MBNL1: variants seen among roughly 807,000 people sequenced by gnomAD.
The protein encoded by MBNL1 is muscleblind-like protein 1.
MBNL1 carries 8 observed loss-of-function variants against 42.2 expected under a neutral mutation model. The observed-to-expected ratio is 0.19, with a 90% confidence interval of 0.11 to 0.34. The LOEUF (loss-of-function observed/expected upper bound fraction) is 0.34. MBNL1 is among the 10% of genes least tolerant of loss of function. MBNL1 has a pLI of 1.00. For missense variants in MBNL1, 309 were observed against 495.3 expected (o/e 0.62, Z 3.57); for synonymous variants, 169 against 173.9 (o/e 0.97, Z 0.22).
chr3:152,332,733 T>TGCGC (rs1455777180), intron 2 of MBNL1, among the ~76,000 whole-genome samples: 18 of 133,576 alleles, frequency 1.3e-4, no homozygotes, highest in African/African-American at 3.4e-4. Flanking sequence ...TGTGTGTGTG[T>TGCGC]GTGTGTGCGC....
chr3:152,338,380 C>T lies in MBNL1; in HGVS notation c.174+38013C>T, dbSNP rs539542956. On this transcript the variant is annotated intron_variant, in intron 2 of 9. Coordinates refer to ENST00000324210, the MANE Select transcript of MBNL1 (RefSeq NM_021038.5). ...GGTTCTGTGATGGCTGCCTCTAAAC[C>T]CTTGTGAAAGCGGGGAATATTCCTC... 34 of 985,390 alleles carry T rather than the reference C, an allele frequency of 3.5e-5. No individual in the cohort carries two copies. The South Asian group carries it at 1.4e-3, about 39-fold the overall frequency. 61.0% of individuals were successfully genotyped at this position (985,390 alleles called of 1,614,324 possible).
intron 1 of MBNL1, 72 bp from the exon 2 acceptor site, chr3:152,299,333 C>G (rs2059890522): frequency 5.4e-6 from 1 of 185,364 alleles, no homozygotes; most frequent in Non-Finnish European, 1.1e-5. Context: ...TATCACATGG[C>G]AAGGTTGTGA....
rs146899799 is a variant in MBNL1, at chr3:152,300,974, G to T, written c.174+607G>T. ...ACCTGAGGCACAAACTTTGTTGCAT[G>T]TGAGTTATATAAATAAGTAGAAACT... On this transcript the variant is annotated intron_variant, in intron 2 of 9. Coordinates refer to ENST00000324210, the MANE Select transcript of MBNL1 (RefSeq NM_021038.5). 3.1e-5 allele frequency: 30 copies of T among 953,712 alleles called. No homozygotes were observed. In the East Asian group the frequency reaches 3.5e-3, roughly 110 times the overall value. The allele number at this position is 953,712 out of a possible 1,614,324, so 59.1% of individuals were successfully genotyped here.
intron 1 of MBNL1, among the ~76,000 whole-genome samples, chr3:152,295,042 T>G (rs1311076993): frequency 6.6e-6 from 1 of 152,224 alleles, no homozygotes; most frequent in East Asian, 1.9e-4. Flanking sequence ...TTATCAGGTC[T>G]AGCTAGACTA....
At chr3:152,361,220 A>G (rs1317398690) in intron 2 of MBNL1, among the ~76,000 whole-genome samples, 1 of 152,028 alleles carries the variant, frequency 6.6e-6, no homozygotes, top group East Asian at 1.9e-4. Context: ...GTGGGTATAC[A>G]TTTGAGGCTT....
At chr3:152,338,434 TG>T in intron 2 of MBNL1, 1 of 985,432 alleles carries the variant, frequency 1.0e-6, no homozygotes, top group Non-Finnish European at 1.2e-6. Flanking sequence ...AGCACCGTGC[TG>T]GGTACCATGT....
chr3:152,440,020 T>A (rs2099125641), intron 4 of MBNL1, among the ~76,000 whole-genome samples: 1 of 152,214 alleles, frequency 6.6e-6, no homozygotes, highest in Non-Finnish European at 1.5e-5. Flanking sequence ...TGGTTCTGTC[T>A]TTGGTCATTC....
At chr3:152,329,694 A>T (rs1015000358) in intron 2 of MBNL1, among the ~76,000 whole-genome samples, 1 of 145,800 alleles carries the variant, frequency 6.9e-6, no homozygotes. Flanking sequence ...TATCTTATAT[A>T]TTATATATAT....
rs572897867 is a variant in MBNL1 at position 152,360,698 on chromosome 3, G to GA, written c.175-54235dup. 3.9e-4 allele frequency among the ~76,000 whole-genome samples: 59 copies of GA among 150,794 alleles called. No homozygotes were observed. In the South Asian group the frequency reaches 8.8e-3, roughly 23 times the overall value. On this transcript the variant is annotated intron_variant, in intron 2 of 9. Transcript: ENST00000324210. Reference sequence around the variant, plus strand: ...TCATTTTCTCCTCAGCTTTTATTTTGAAAAAAAATTAAACCCAACAAAAAT... The same window carrying GA: ...TCATTTTCTCCTCAGCTTTTATTTTGAAAAAAAAATTAAACCCAACAAAAAT...
intron 2 of MBNL1, among the ~76,000 whole-genome samples, chr3:152,390,878 G>C (rs1480068262): frequency 1.3e-5 from 2 of 152,172 alleles, no homozygotes; most frequent in Non-Finnish European, 2.9e-5. Context: ...GAAAGACCCA[G>C]CTTAACCAGA....
chr3:152,332,689 G>C, intron 2 of MBNL1, among the ~76,000 whole-genome samples: 1 of 122,376 alleles, frequency 8.2e-6, no homozygotes, highest in African/African-American at 3.0e-5. Context: ...AGTTTTCATG[G>C]TTTTGTGTGT....
chr3:152,380,460 A>G (rs1186390137), intron 2 of MBNL1, among the ~76,000 whole-genome samples: 2 of 152,116 alleles, frequency 1.3e-5, no homozygotes, highest in Admixed American at 6.5e-5. Flanking sequence ...GGGAAACAGC[A>G]TGAATGGAAA....
intron 6 of MBNL1, among the ~76,000 whole-genome samples, chr3:152,450,783 T>C (rs935794264): frequency 6.6e-6 from 1 of 152,344 alleles, no homozygotes; most frequent in East Asian, 1.9e-4. Context: ...CTAGGTCTTA[T>C]GGTCTTATGA....
intron 1 of MBNL1, among the ~76,000 whole-genome samples, chr3:152,270,123 G>A (rs1411733109): frequency 6.6e-6 from 1 of 151,976 alleles, no homozygotes; most frequent in African/African-American, 2.4e-5. Flanking sequence ...AGAGTATGCG[G>A]CTGTTGGGAT....
chr3:152,335,490 G>A (rs1371453720), intron 2 of MBNL1, among the ~76,000 whole-genome samples: 2 of 152,120 alleles, frequency 1.3e-5, no homozygotes, highest in Non-Finnish European at 1.5e-5. Context: ...TCAGTAGATG[G>A]AGCATAGTTT....
At position 152,299,924 on chromosome 3, in the gene MBNL1, C is replaced by T. The variant is rs929994067; in HGVS notation, c.-270C>T. The T allele has an allele frequency of 2.5e-5, 11 of 435,618 alleles. No homozygotes were observed. Among genetic ancestry groups the T allele is most frequent in the African/African-American group, 1.0e-4 (5 of 49,052 alleles). The allele number at this position is 435,618 out of a possible 1,614,324, so 27.0% of individuals were successfully genotyped here. A position where few individuals can be genotyped will look rare whatever the true frequency, so the allele number is the denominator to read the frequency against. On this transcript the variant is annotated 5_prime_UTR_variant, in exon 2 of 10. The change creates a new upstream start codon in the 5' untranslated region. Transcript: ENST00000324210. ...GCTGATACCAGGCCCTACTTTTAAA[C>T]GTTCATCTACTTACAATCCTAGTAT...
At chr3:152,316,893 G>A (rs1054377789) in intron 2 of MBNL1, among the ~76,000 whole-genome samples, 1 of 150,070 alleles carries the variant, frequency 6.7e-6, no homozygotes, top group African/African-American at 2.5e-5. Context: ...ATTTTGCTTT[G>A]CTTATTAAAA....
At chr3:152,320,547 G>C (rs2075814667) in intron 2 of MBNL1, among the ~76,000 whole-genome samples, 1 of 152,056 alleles carries the variant, frequency 6.6e-6, no homozygotes, top group Non-Finnish European at 1.5e-5. Context: ...AGTTATTTTG[G>C]TGACAGTATT....
intron 2 of MBNL1, among the ~76,000 whole-genome samples, chr3:152,336,477 T>TA (rs2090278808): frequency 6.6e-6 from 1 of 152,216 alleles, no homozygotes; most frequent in Admixed American, 6.5e-5. Context: ...ATTATATTTT[T>TA]AAAAAATTAA....
Sources: gnomAD v4.1 joint callset for allele counts (sites outside exome capture counted in the v4.1 genomes callset) on GRCh38, gnomAD v4.1.1 for gene constraint, MANE v1.5 for transcripts, NCBI Gene and HGNC (gene_info 2026-07-23, HGNC 2026-07-21) for gene names.